The following UNC13C variants were observed in gnomAD, a reference collection of about 807,000 sequenced individuals.
UNC13C encodes the protein unc-13 homolog C.
UNC13C carries 174 observed loss-of-function variants against 245.4 expected under a neutral mutation model. That is an observed-to-expected ratio of 0.71 (90% CI 0.63 to 0.80). The LOEUF (loss-of-function observed/expected upper bound fraction) is 0.80, where lower values mean the gene tolerates loss of function less well. Among genes scored for constraint, UNC13C ranks in the 30% least tolerant of loss-of-function variants. UNC13C has a pLI of 0.00. For synonymous variants in UNC13C, 992 were observed against 895.1 expected, an observed-to-expected ratio of 1.11 and a Z score of -1.93; for missense variants, 2,829 against 2,602.9, an observed-to-expected ratio of 1.09 and a Z score of -1.89.
the UNC13C span, among the ~76,000 whole-genome samples, chr15:53,950,427 A>ATT: frequency 0.019 from 2,803 of 147,978 alleles, 109 homozygotes; most frequent in East Asian, 0.14. Flanking sequence ...TAAAATAAAG[A>ATT]TTTTTTTTTT....
At chr15:54,432,036 G>T (rs1470409347) in intron 19 of UNC13C, among the ~76,000 whole-genome samples, 1 of 151,332 alleles carries the variant, frequency 6.6e-6, no homozygotes, top group African/African-American at 2.4e-5. Context: ...AATTTTTAAA[G>T]ATATGATTTC....
intron 2 of UNC13C, among the ~76,000 whole-genome samples, chr15:54,030,740 C>T (rs1896323380): frequency 6.6e-6 from 1 of 152,128 alleles, no homozygotes; most frequent in African/African-American, 2.4e-5. Context: ...CTCTCTGCTT[C>T]TAAGATGGTG....
At chr15:53,860,757 T>C in the UNC13C span, among the ~76,000 whole-genome samples, 27 of 152,208 alleles carry the variant, frequency 1.8e-4, no homozygotes, top group Non-Finnish European at 4.0e-4. Context: ...AGTCTTACAT[T>C]GTCTTCCAGA....
chr15:53,901,100 A>G, the UNC13C span, among the ~76,000 whole-genome samples: 2 of 151,822 alleles, frequency 1.3e-5, no homozygotes, highest in African/African-American at 2.4e-5. Context: ...ATTTTCTTCT[A>G]TATTTAATTT....
At chr15:54,216,470 A>T (rs16974313) in intron 4 of UNC13C, among the ~76,000 whole-genome samples, 17,159 of 151,868 alleles carry the variant, frequency 0.11, 1,512 homozygotes, top group African/African-American at 0.23. Flanking sequence ...AATTGCTGGC[A>T]TGTTTGTGAA....
At chr15:53,870,022 A>C in the UNC13C span, among the ~76,000 whole-genome samples, 6 of 152,202 alleles carry the variant, frequency 3.9e-5, no homozygotes, top group African/African-American at 1.4e-4. Context: ...CGAGCCTTCC[A>C]AGAAGATTTG....
chr15:54,402,843 C>G lies in UNC13C; in HGVS notation c.4847+9662C>G, dbSNP rs574118364. ...ATAAGATGGTGAGCATTAATCCTTC[C>G]AAATATTTCTGATATTTTAATGATT... is the stretch of plus-strand genomic sequence containing the variant. On this transcript the variant is annotated intron_variant, in intron 18 of 32. Transcript: ENST00000260323. Among the ~76,000 whole-genome samples the G allele has an allele frequency of 1.4e-4, 21 of 152,232 alleles. 1 individual carries two copies. In the South Asian group the frequency reaches 4.1e-3, roughly 30 times the overall value.
At chr15:53,865,473 C>T in the UNC13C span, among the ~76,000 whole-genome samples, 6 of 152,256 alleles carry the variant, frequency 3.9e-5, no homozygotes, top group African/African-American at 1.2e-4. Flanking sequence ...CCCCTGGTGT[C>T]TCTTCTTCTT....
intron 2 of UNC13C, among the ~76,000 whole-genome samples, chr15:54,036,050 A>T (rs1260396257): frequency 2.6e-5 from 4 of 152,186 alleles, no homozygotes; most frequent in Admixed American, 6.5e-5. Context: ...CCAAGTTGAG[A>T]GGTTTCTCTA....
chr15:54,580,314 G>A (rs146281763), intron 30 of UNC13C, among the ~76,000 whole-genome samples: 30 of 152,268 alleles, frequency 2.0e-4, no homozygotes, highest in African/African-American at 4.6e-4. Context: ...TTGTTATTAC[G>A]TGTTTAATCT....
intron 19 of UNC13C, among the ~76,000 whole-genome samples, chr15:54,428,704 G>C (rs943518619): frequency 2.6e-5 from 4 of 151,514 alleles, no homozygotes; most frequent in African/African-American, 9.7e-5. Context: ...AAATTCCTCA[G>C]TTTAGGTTCC....
chr15:54,426,264 C>A (rs973569903), intron 19 of UNC13C, among the ~76,000 whole-genome samples: 2 of 150,266 alleles, frequency 1.3e-5, no homozygotes, highest in Non-Finnish European at 3.0e-5. Context: ...ATGAAAGTGT[C>A]ATACAGGACT....
At chr15:53,931,133 T>G in the UNC13C span, among the ~76,000 whole-genome samples, 1 of 152,134 alleles carries the variant, frequency 6.6e-6, no homozygotes, top group African/African-American at 2.4e-5. Context: ...AAAGTTGTTT[T>G]ATTTTATTGA....
At chr15:54,495,054 G>A (rs1320477276) in intron 20 of UNC13C, among the ~76,000 whole-genome samples, 1 of 151,918 alleles carries the variant, frequency 6.6e-6, no homozygotes, top group East Asian at 1.9e-4. Flanking sequence ...AAAGTATGGT[G>A]CTTGTATATT....
chr15:54,247,190 T>C (rs2036013918), intron 7 of UNC13C, among the ~76,000 whole-genome samples: 1 of 152,234 alleles, frequency 6.6e-6, no homozygotes. Context: ...ATCTGATTCC[T>C]AATGGTAAAC....
chr15:54,168,614 C>T (rs1216209243), intron 4 of UNC13C, among the ~76,000 whole-genome samples: 3 of 152,050 alleles, frequency 2.0e-5, no homozygotes, highest in Admixed American at 1.3e-4. Context: ...TTGGACAGCT[C>T]AGATATGTCT....
At chr15:54,109,756 G>A (rs548355130) in intron 2 of UNC13C, among the ~76,000 whole-genome samples, 2 of 152,166 alleles carry the variant, frequency 1.3e-5, no homozygotes, top group African/African-American at 4.8e-5. Flanking sequence ...ATATGAGGTA[G>A]GGTCATTATG....
intron 26 of UNC13C, among the ~76,000 whole-genome samples, chr15:54,544,247 C>G (rs111620874): frequency 4.6e-5 from 7 of 152,068 alleles, no homozygotes; most frequent in African/African-American, 1.7e-4. Context: ...TTCAACAGCC[C>G]TTGATGCTAA....
At chr15:54,106,628 C>G (rs1900460929) in intron 2 of UNC13C, among the ~76,000 whole-genome samples, 1 of 152,166 alleles carries the variant, frequency 6.6e-6, no homozygotes, top group Non-Finnish European at 1.5e-5. Flanking sequence ...ATTTTCTGTT[C>G]CATGTGCCAT....
Sources: allele counts gnomAD v4.1 joint callset (sites outside exome capture counted in the v4.1 genomes callset), GRCh38; gene constraint gnomAD v4.1.1; transcripts MANE v1.5; gene names NCBI Gene and HGNC (gene_info 2026-07-23, HGNC 2026-07-21).